OGG1: variants seen among roughly 807,000 people sequenced by gnomAD.
OGG1 encodes the protein 8-oxoguanine DNA glycosylase, also known as N-glycosylase/DNA lyase.
OGG1 carries 35 observed loss-of-function variants against 42.3 expected under a neutral mutation model. The ratio of observed to expected loss-of-function variants is 0.83; its 90% CI spans 0.63 to 1.10. OGG1 has a LOEUF of 1.10. OGG1 is among the 50% of genes least tolerant of loss of function. The pLI, the probability that OGG1 is intolerant of heterozygous loss-of-function variation, is 0.00. For synonymous variants in OGG1, 189 were observed against 179.0 expected (o/e 1.06, Z -0.44); for missense variants, 484 against 446.7 (o/e 1.08, Z -0.75).
chr3:9,777,201 G>A (rs1457342380), intron 2 of OGG1, among the ~76,000 whole-genome samples: 1 of 152,198 alleles, frequency 6.6e-6, no homozygotes, highest in Non-Finnish European at 1.5e-5. Flanking sequence ...ACCATGATGT[G>A]CAAGACAGAT....
rs944872512 is a variant in OGG1, at chr3:9,750,938, G to A, written c.138-7G>A. On this transcript the variant is annotated splice_region_variant and splice_polypyrimidine_tract_variant and intron_variant, in intron 1 of 6. Transcript: ENST00000344629. ...AGTGCCAGGGTTGTCATGTGCCTTG[G>A]GCTCAGGTGGAGGGAGCAAAGTCCT... 5.6e-6 allele frequency: 9 copies of A among 1,613,874 alleles called. No homozygotes were observed. Among genetic ancestry groups the A allele is most frequent in the Middle Eastern group, 3.4e-4 (2 of 5,920 alleles).
At chr3:9,783,181 G>A (rs1344790679) in intron 3 of OGG1, 2 of 152,048 alleles carry the variant, frequency 1.3e-5, no homozygotes, top group African/African-American at 2.4e-5. Flanking sequence ...TTTTCTGTGT[G>A]TATCAAATTT....
rs538902594 is a variant in OGG1 at position 9,778,984 on chromosome 3, A to G, written c.295-2529A>G. Among the ~76,000 whole-genome samples the G allele has an allele frequency of 3.3e-5, 5 of 152,180 alleles. No individual in the cohort carries two copies. In the East Asian group the frequency reaches 9.6e-4, roughly 29 times the overall value. On this transcript the variant is annotated intron_variant, in intron 2 of 3. Transcript: ENST00000426518. Reference sequence around the variant, plus strand: ...TCCCTTCTCTCCTGCGTGGACCTCAACCTTCCCACAGTAAATTGCAAATTA... The same window carrying G: ...TCCCTTCTCTCCTGCGTGGACCTCAGCCTTCCCACAGTAAATTGCAAATTA...
In OGG1 at chr3:9,781,833, CTTTTTTTT is replaced by C. The variant is rs35246642; in HGVS notation, c.382+251_382+258del. 2.7e-3 allele frequency among the ~76,000 whole-genome samples: 238 copies of C among 86,908 alleles called. 2 individuals are homozygous for C. In the Admixed American group the frequency reaches 0.028, roughly 10 times the overall value. The allele number at this position is 86,908 out of a possible 152,430, so 57.0% of individuals were successfully genotyped here. ...GCCATTTCTTCATTGCCCATTACTT[CTTTTTTTT>C]TTTTTTTTTTTTTTTTTGAGACAGG... On this transcript the variant is annotated intron_variant, in intron 3 of 3. Coordinates refer to the OGG1 transcript ENST00000426518.
intron 3 of OGG1, chr3:9,783,981 C>T: frequency 2.5e-6 from 4 of 1,570,852 alleles, no homozygotes; most frequent in Non-Finnish European, 3.5e-6. Flanking sequence ...GCCGTGGCCA[C>T]AGCCTCCAAG....
At chr3:9,756,446 A>G in intron 4 of OGG1, 25 bp from the exon 5 acceptor site, 1 of 1,613,976 alleles carries the variant, frequency 6.2e-7, no homozygotes, top group Non-Finnish European at 8.5e-7. Flanking sequence ...TTCTTCCACA[A>G]GGGCTCATTC....
chr3:9,770,149 G>A (rs970949356), downstream of OGG1, among the ~76,000 whole-genome samples: 1 of 152,224 alleles, frequency 6.6e-6, no homozygotes, highest in Non-Finnish European at 1.5e-5. Flanking sequence ...CTTAAGCGGG[G>A]TCCATTTCAC....
At chr3:9,778,908 C>T (rs1389620974) in intron 2 of OGG1, among the ~76,000 whole-genome samples, 1 of 152,184 alleles carries the variant, frequency 6.6e-6, no homozygotes, top group Non-Finnish European at 1.5e-5. Context: ...CATGTTCGCC[C>T]TCCTTCTTTA....
At chr3:9,759,535 A>T, downstream of OGG1, 2 of 1,614,118 alleles carry the variant, frequency 1.2e-6, no homozygotes, top group Non-Finnish European at 1.7e-6. Context: ...TCACTCACCG[A>T]CTGGTGGATA....
chr3:9,761,962 T>C, downstream of OGG1: 1 of 648,140 alleles, frequency 1.5e-6, no homozygotes, highest in Non-Finnish European at 2.5e-6. Context: ...GGGGGGGAAC[T>C]GTCTCTAAAC....
At chr3:9,776,388 C>CTTTTTTTTTTTTT (rs57504240) in intron 2 of OGG1, among the ~76,000 whole-genome samples, 59 of 121,114 alleles carry the variant, frequency 4.9e-4, no homozygotes, top group Non-Finnish European at 8.4e-4. Flanking sequence ...TTTTTCTTTT[C>CTTTTTTTTTTTTT]TTTTTTTTTT....
At position 9,757,270 on chromosome 3, in the gene OGG1, C is replaced by T; in HGVS notation, c.*120C>T. Reference sequence around the variant, plus strand: ...GGCCTCCCTGTGACTACCTCAAAGGCCAGGCACCCCCAAATCAAGCAGTCA... The same window carrying T: ...GGCCTCCCTGTGACTACCTCAAAGGTCAGGCACCCCCAAATCAAGCAGTCA... On this transcript the variant is annotated 3_prime_UTR_variant, in exon 7 of 7. Coordinates refer to ENST00000344629, the MANE Select transcript of OGG1 (RefSeq NM_002542.6). The surrounding 1 kb of genome is among the most constrained non-coding windows in gnomAD (Gnocchi z 4.5). 6.2e-7 allele frequency: 1 copy of T among 1,614,146 alleles called. No individual in the cohort carries two copies. The highest frequency in any genetic ancestry group is 1.1e-5 in the South Asian group (1 of 91,084).
At chr3:9,777,707 C>T (rs1202803103) in intron 2 of OGG1, among the ~76,000 whole-genome samples, 1 of 152,136 alleles carries the variant, frequency 6.6e-6, no homozygotes, top group Non-Finnish European at 1.5e-5. Context: ...CTATTTATAT[C>T]TGTCTTCCTT....
chr3:9,755,382 A>G (rs375811866), intron 4 of OGG1, among the ~76,000 whole-genome samples: 13 of 151,780 alleles, frequency 8.6e-5, no homozygotes, highest in East Asian at 3.9e-4. Context: ...TTCCTTTCGT[A>G]AAATGACATG....
Position 9,756,581 on chromosome 3 carries a change from C to T in OGG1, c.858C>T (p.Ser286=). Reference sequence around the variant, plus strand: ...ACTACAGCTGGCACCCTACCACGTCCCAGGCGAAGGGACCGAGCCCCCAGA... The same window carrying T: ...ACTACAGCTGGCACCCTACCACGTCTCAGGCGAAGGGACCGAGCCCCCAGA... ...QRDYSWHPTT[S]QAKGPSPQTN... is the part of the protein sequence containing the mutation. The change falls in exon 5 of 7, where the codon TCC becomes TCT. Residue 286 remains serine, a synonymous_variant. Transcript: ENST00000344629. 2 of 1,614,166 alleles carry T rather than the reference C, an allele frequency of 1.2e-6. No homozygotes were observed. Among genetic ancestry groups the T allele is most frequent in the South Asian group, 1.1e-5 (1 of 91,086 alleles).
rs2077947036 is a variant in OGG1, at chr3:9,762,794, T to G, written c.1049-3015T>G. ...CAGTTTAAAGGTTACAAGATCCACT[T>G]TGTAGATGGAAATCCAAGGCTCAGT... On this transcript the variant is annotated intron_variant, in intron 7 of 7. Transcript: ENST00000302008. 4 of 953,782 alleles carry G rather than the reference T, an allele frequency of 4.2e-6. No homozygotes were observed. In the South Asian group the frequency reaches 6.2e-5, roughly 15 times the overall value. The allele number at this position is 953,782 out of a possible 1,614,324, so 59.1% of individuals were successfully genotyped here.
In OGG1 at chr3:9,757,338, C is replaced by A; in HGVS notation, c.*188C>A. On this transcript the variant is annotated 3_prime_UTR_variant, in exon 7 of 7. Coordinates refer to ENST00000344629, the MANE Select transcript of OGG1 (RefSeq NM_002542.6). This position sits in a 1 kb window ranked among gnomAD's most constrained non-coding sequence, Gnocchi z 4.5. ...GGGTGGGGGATATTGAGGGAGACAG[C>A]GCTAAGGATGGTTTTATCTTCCCTT... 6.2e-7 allele frequency: 1 copy of A among 1,614,096 alleles called. No individual in the cohort carries two copies. Among genetic ancestry groups the A allele is most frequent in the Non-Finnish European group, 8.5e-7 (1 of 1,180,018 alleles).
chr3:9,780,217 A>AG, intron 2 of OGG1: 1 of 863,790 alleles, frequency 1.2e-6, no homozygotes, highest in South Asian at 1.8e-5. Flanking sequence ...AAAAGACCTC[A>AG]GGGGAAGGGC....
intron 3 of OGG1, chr3:9,787,664 G>A: frequency 2.2e-6 from 3 of 1,376,472 alleles, no homozygotes; most frequent in Non-Finnish European, 2.9e-6. Context: ...TCAGGTCACG[G>A]GTGACAGGGA....
Sources: gnomAD v4.1 joint callset for allele counts (sites outside exome capture counted in the v4.1 genomes callset) on GRCh38, gnomAD v4.1.1 for gene constraint, Gnocchi (gnomAD v3.1) non-coding constraint, MANE v1.5 for transcripts, NCBI Gene and HGNC (gene_info 2026-07-23, HGNC 2026-07-21) for gene names.